Variants in R3HDML observed in about 807,000 individuals in gnomAD.
R3HDML encodes peptidase inhibitor R3HDML.
In R3HDML, 21 loss-of-function variants were observed where a neutral mutation model predicts 24.2. The observed-to-expected ratio is 0.87, with a 90% CI of 0.62 to 1.25. The LOEUF (loss-of-function observed/expected upper bound fraction) is 1.25. Among genes scored for constraint, R3HDML ranks in the 50% most tolerant of loss-of-function variants. The pLI, the probability that R3HDML is intolerant of heterozygous loss-of-function variation, is 0.00. For synonymous variants in R3HDML, 133 were observed against 131.5 expected (o/e 1.01, Z -0.08); for missense variants, 301 against 340.3 (o/e 0.88, Z 0.91).
At chr20:44,341,149 G>T (rs769998781) in intron 1 of R3HDML, 47 bp from the exon 2 acceptor site, 66 of 1,488,234 alleles carry the variant, frequency 4.4e-5, no homozygotes, top group Non-Finnish European at 5.6e-5. Context: ...CAGTTGTGAC[G>T]ATGGTGGCAA....
chr20:44,343,510 G>A lies in R3HDML; in HGVS notation c.513+1G>A. 1 of 1,599,300 alleles carries A rather than the reference G, an allele frequency of 6.3e-7. No homozygotes were observed. The highest frequency in any genetic ancestry group is 8.5e-7 in the Non-Finnish European group (1 of 1,172,974). ...CCCCACCTGCTCCCATTATACCCAG[G>A]TACTCCTCCGTCAGGGCTGAGGGCC... On this transcript the variant is annotated splice_donor_variant, in intron 3 of 4. Coordinates refer to ENST00000217043, the MANE Select transcript of R3HDML (RefSeq NM_178491.4). LOFTEE classifies it high-confidence loss of function.
chr20:44,341,348 A>G (rs752628204), intron 2 of R3HDML, 34 bp downstream of exon 2: 43 of 1,500,822 alleles, frequency 2.9e-5, no homozygotes, highest in Non-Finnish European at 4.0e-5. Context: ...TCACTCAGTC[A>G]TTCAACAAAT....
At chr20:44,347,876 C>T (rs1170574677) in intron 4 of R3HDML, 1 of 150,072 alleles carries the variant, frequency 6.7e-6, no homozygotes, top group Non-Finnish European at 1.5e-5. Context: ...CATCTATTGA[C>T]AATGTGTCAC....
At chr20:44,349,421 G>A (rs750816063) in intron 4 of R3HDML, among the ~76,000 whole-genome samples, 63 of 151,946 alleles carry the variant, frequency 4.1e-4, no homozygotes, top group South Asian at 6.2e-4. Context: ...CACTCTCCCC[G>A]CCCCCAAACT....
chr20:44,347,874 G>A (rs2062792710), intron 4 of R3HDML: 1 of 151,522 alleles, frequency 6.6e-6, no homozygotes, highest in Non-Finnish European at 1.5e-5. Flanking sequence ...GGCATCTATT[G>A]ACAATGTGTC....
At position 44,345,254 on chromosome 20, in the gene R3HDML, C is replaced by T; in HGVS notation, c.514-9C>T. The T allele has an allele frequency of 6.2e-7, 1 of 1,611,692 alleles. No homozygotes were observed. Among genetic ancestry groups the T allele is most frequent in the Non-Finnish European group, 8.5e-7 (1 of 1,177,744 alleles). On this transcript the variant is annotated splice_polypyrimidine_tract_variant and intron_variant, in intron 3 of 4. Transcript: ENST00000217043. ...TCTCATAGCCCCCTCTGTCTCTGTC[C>T]TTCACCAGATGGTGTGGGCATCCTC...
At chr20:44,341,974 C>G (rs1356054617) in intron 2 of R3HDML, among the ~76,000 whole-genome samples, 1 of 152,156 alleles carries the variant, frequency 6.6e-6, no homozygotes, top group Non-Finnish European at 1.5e-5. Context: ...ACCCTTCTGG[C>G]CTGACCTTCT....
At chr20:44,343,279 A>T in intron 2 of R3HDML, 98 bp from the exon 3 acceptor site, 1 of 1,438,790 alleles carries the variant, frequency 7.0e-7, no homozygotes, top group Non-Finnish European at 9.6e-7. Context: ...GATGGGGGAA[A>T]GGAAGCAAAG....
chr20:44,341,552 T>C (rs1326722378), intron 2 of R3HDML, among the ~76,000 whole-genome samples: 1 of 152,094 alleles, frequency 6.6e-6, no homozygotes, highest in Non-Finnish European at 1.5e-5. Context: ...AGTGCACAGA[T>C]TGTGGTGGAA....
chr20:44,340,079 C>T (rs1182522296), intron 1 of R3HDML, among the ~76,000 whole-genome samples: 8 of 152,166 alleles, frequency 5.3e-5, no homozygotes, highest in African/African-American at 1.2e-4. Context: ...CTCAGCCTCC[C>T]GAATAGCTGG....
At chr20:44,349,627 A>G (rs2146116476) in intron 4 of R3HDML, among the ~76,000 whole-genome samples, 1 of 152,308 alleles carries the variant, frequency 6.6e-6, no homozygotes, top group Non-Finnish European at 1.5e-5. Context: ...TGGAGAAAAA[A>G]GATTATATTT....
rs781678914 is a variant in R3HDML at position 44,343,387 on chromosome 20, G to A, written c.391G>A (p.Val131Ile). The change falls in exon 3 of 5, where the codon GTA (valine) becomes ATA (isoleucine). Residue 131 changes from valine to isoleucine, a missense_variant. Coordinates refer to ENST00000217043, the MANE Select transcript of R3HDML (RefSeq NM_178491.4). ...CCCCCGCCTCCCCAGGTACCGGTCC[G>A]TAGTGGATCTCATGAAGTCCTGGTC... ...LSIHSGQYRS[V>I]VDLMKSWSEE... 3.4e-5 allele frequency: 55 copies of A among 1,611,112 alleles called. No individual in the cohort carries two copies. The highest frequency in any genetic ancestry group is 1.9e-4 in the South Asian group (17 of 90,502).
At position 44,337,286 on chromosome 20, in the gene R3HDML, C is replaced by T. The variant is rs775677965; in HGVS notation, c.129C>T (p.Leu43=). Residue 43 remains leucine (L), a synonymous_variant, in exon 1 of 5, where the codon CTC becomes CTT. Coordinates refer to ENST00000217043, the MANE Select transcript of R3HDML (RefSeq NM_178491.4). This position sits in a 1 kb window ranked among gnomAD's most constrained non-coding sequence, Gnocchi z 4.7. ...AGCCCGAGAGCACGGCTATGCGGCT[C>T]CTGAGTGGCCTGGAGGTGCCCAGGT... is the stretch of plus-strand genomic sequence containing the variant. ...PAQPESTAMR[L]LSGLEVPRYR... is the part of the protein sequence containing the mutation. 6.2e-7 allele frequency: 1 copy of T among 1,614,188 alleles called. No homozygotes were observed. Among genetic ancestry groups the T allele is most frequent in the South Asian group, 1.1e-5 (1 of 91,092 alleles).
Position 44,341,295 on chromosome 20 carries a change from C to T in R3HDML, c.361C>T (p.Leu121Phe), listed in dbSNP as rs766023769. 2.5e-6 allele frequency: 4 copies of T among 1,613,500 alleles called. No individual in the cohort carries two copies. The highest frequency in any genetic ancestry group is 1.3e-5 in the African/African-American group (1 of 74,930). ...GCTGATGAGATACGTGGGCCAGAAC[C>T]TCTCCATCCATTCTGGCCAGTGAGT... ...SQLMRYVGQN[L>F]SIHSGQYRSV... Residue 121 changes from leucine to phenylalanine, a missense_variant, in exon 2 of 5, where the codon CTC becomes TTC. Physicochemically the swap from Leu to Phe is conservative, Grantham distance 22 (BLOSUM62 0). Transcript: ENST00000217043.
chr20:44,339,093 C>G (rs2062765432), intron 1 of R3HDML, among the ~76,000 whole-genome samples: 1 of 151,264 alleles, frequency 6.6e-6, no homozygotes, highest in Admixed American at 6.6e-5. Context: ...AATATTGGGC[C>G]AGACAACCCT....
chr20:44,342,844 C>T (rs1174833476), intron 2 of R3HDML, among the ~76,000 whole-genome samples: 1 of 152,178 alleles, frequency 6.6e-6, no homozygotes, highest in Non-Finnish European at 1.5e-5. Flanking sequence ...GTCCCAGCTA[C>T]TTGGGAGGCT....
chr20:44,344,900 T>C, intron 3 of R3HDML: 1 of 213,160 alleles, frequency 4.7e-6, no homozygotes. Flanking sequence ...CAGATCCAAC[T>C]TCCTTCTCGC....
intron 3 of R3HDML, among the ~76,000 whole-genome samples, chr20:44,344,352 G>A (rs530119237): frequency 1.8e-3 from 267 of 152,002 alleles, no homozygotes; most frequent in Admixed American, 4.2e-3. Flanking sequence ...TGAGGCAGGA[G>A]GATTGCTTGA....
chr20:44,345,139 A>G, intron 3 of R3HDML, 124 bp from the exon 4 acceptor site: 5 of 759,788 alleles, frequency 6.6e-6, no homozygotes, highest in Admixed American at 4.0e-5. Flanking sequence ...TCCTCCCCCA[A>G]CACCTTGGAA....
Sources: gnomAD v4.1 joint callset for allele counts (sites outside exome capture counted in the v4.1 genomes callset) on GRCh38, gnomAD v4.1.1 for gene constraint, Gnocchi (gnomAD v3.1) non-coding constraint, MANE v1.5 for transcripts, NCBI Gene and HGNC (gene_info 2026-07-23, HGNC 2026-07-21) for gene names.